MPDZ: variants seen among roughly 807,000 people sequenced by gnomAD.
MPDZ encodes the protein multiple PDZ domain protein.
MPDZ carries 234 observed loss-of-function variants against 239.1 expected under a neutral mutation model. The ratio of observed to expected loss-of-function variants is 0.98; its 90% CI spans 0.88 to 1.09. MPDZ has a LOEUF of 1.09. Among genes scored for constraint, MPDZ ranks in the 50% least tolerant of loss-of-function variants. The probability of loss-of-function intolerance (pLI) is 0.00; values close to 1 mark genes in which losing one functional copy is unlikely to be tolerated. For missense variants in MPDZ, 3,175 were observed against 2,510.0 expected (o/e 1.26, Z -5.66); for synonymous variants, 1,048 against 881.3 (o/e 1.19, Z -3.35).
In MPDZ at chr9:13,138,106, T is replaced by G; in HGVS notation, c.4051A>C (p.Ile1351Leu). 6.2e-7 allele frequency: 1 copy of G among 1,609,746 alleles called. No homozygotes were observed. The highest frequency in any genetic ancestry group is 1.7e-4 in the Middle Eastern group (1 of 6,030). ...YGTLTGELHM[I>L]ELEKGHSGLG... is the part of the protein sequence containing the mutation. Reference sequence around the variant, plus strand: ...CCACTATGACCTTTCTCCAGTTCAATCATATGCAGCTCGCCTGTTAGGGTT... The same window carrying G: ...CCACTATGACCTTTCTCCAGTTCAAGCATATGCAGCTCGCCTGTTAGGGTT... The change falls in exon 29 of 47, where the codon ATT becomes CTT. Residue 1351 changes from isoleucine to leucine, a missense_variant. Ile to Leu is a conservative substitution (Grantham distance 5). Transcript: ENST00000319217.
At chr9:13,118,328 T>G (rs1586924079) in intron 39 of MPDZ, among the ~76,000 whole-genome samples, 3 of 152,238 alleles carry the variant, frequency 2.0e-5, no homozygotes, top group African/African-American at 7.2e-5. Context: ...TTGAGAAACC[T>G]AATGAGAAGT....
chr9:13,216,891 A>G (rs761011674), intron 9 of MPDZ, 29 bp from the exon 10 acceptor site: 1 of 1,545,394 alleles, frequency 6.5e-7, no homozygotes, highest in East Asian at 2.3e-5. Context: ...TATTTTTCAC[A>G]ATTTTCAAAG....
intron 16 of MPDZ, among the ~76,000 whole-genome samples, chr9:13,189,271 TA>T (rs1954572528): frequency 6.6e-6 from 1 of 152,160 alleles, no homozygotes; most frequent in Non-Finnish European, 1.5e-5. Context: ...ATTATAATTT[TA>T]ACTTTGATAA....
intron 33 of MPDZ, 27 bp from the exon 34 acceptor site, chr9:13,126,617 G>C: frequency 6.2e-7 from 1 of 1,611,114 alleles, no homozygotes; most frequent in South Asian, 1.1e-5. Context: ...AAGAATTTGA[G>C]TGATATTCCA....
Position 13,133,882 on chromosome 9 carries a change from G to T in MPDZ, c.4406C>A (p.Ser1469Tyr). 1 of 1,593,402 alleles carries T rather than the reference G, an allele frequency of 6.3e-7. No homozygotes were observed. ...TGAACTGAGGTCCACAGCTGCATCA[G>T]AAGTAGTAACAGTTGGCTCTGTCTG... The part of the protein sequence containing the change: ...NKETEPTVTT[S>Y]DAAVDLSSFK... Residue 1469 changes from serine to tyrosine, a missense_variant, in exon 32 of 47, where the codon TCT (serine) becomes TAT (tyrosine). Ser to Tyr is a moderately radical substitution (Grantham distance 144, BLOSUM62 -2). Transcript: ENST00000319217.
chr9:13,171,662 A>G (rs988402418), intron 21 of MPDZ, among the ~76,000 whole-genome samples: 2 of 152,174 alleles, frequency 1.3e-5, no homozygotes, highest in Non-Finnish European at 2.9e-5. Flanking sequence ...TATATTTATT[A>G]ATGTATCTGT....
chr9:13,180,982 T>A (rs930734157), intron 19 of MPDZ, among the ~76,000 whole-genome samples: 4 of 152,190 alleles, frequency 2.6e-5, no homozygotes, highest in African/African-American at 9.6e-5. Flanking sequence ...GAGGCCTCCC[T>A]CTATGAAGAG....
intron 18 of MPDZ, among the ~76,000 whole-genome samples, chr9:13,184,496 C>T (rs1439982919): frequency 3.3e-5 from 5 of 151,676 alleles, no homozygotes; most frequent in African/African-American, 1.2e-4. Flanking sequence ...CACATTCTTA[C>T]AAAAAACTAT....
intron 46 of MPDZ, among the ~76,000 whole-genome samples, chr9:13,107,436 T>C (rs1017789571): frequency 6.6e-6 from 1 of 152,202 alleles, no homozygotes; most frequent in Non-Finnish European, 1.5e-5. Flanking sequence ...CTAGTAGGAA[T>C]GATTCAATAG....
intron 32 of MPDZ, among the ~76,000 whole-genome samples, chr9:13,130,990 G>C (rs531955413): frequency 4.1e-4 from 63 of 152,216 alleles, no homozygotes; most frequent in African/African-American, 1.5e-3. Context: ...GTTCAAAGTG[G>C]AGAAAATAAT....
chr9:13,196,538 G>T (rs1955670775), intron 12 of MPDZ, among the ~76,000 whole-genome samples: 1 of 151,984 alleles, frequency 6.6e-6, no homozygotes, highest in South Asian at 2.1e-4. Flanking sequence ...TCACTTCATA[G>T]TCCTCTGGTA....
intron 1 of MPDZ, chr9:13,276,909 T>C (rs958169630): frequency 6.6e-6 from 1 of 152,200 alleles, no homozygotes; most frequent in Non-Finnish European, 1.5e-5. Flanking sequence ...TTCTAGACAA[T>C]GGATTCACTT....
chr9:13,265,222 T>C (rs1971528647), intron 1 of MPDZ, among the ~76,000 whole-genome samples: 1 of 152,226 alleles, frequency 6.6e-6, no homozygotes, highest in Admixed American at 6.5e-5. Flanking sequence ...TCTTACCTCC[T>C]GCTCTTTTGC....
intron 3 of MPDZ, among the ~76,000 whole-genome samples, chr9:13,245,554 G>T (rs1419842221): frequency 6.6e-6 from 1 of 152,034 alleles, no homozygotes; most frequent in Non-Finnish European, 1.5e-5. Context: ...GTTTTCCTTG[G>T]TCCCTTTCAG....
At chr9:13,247,269 T>A (rs1966777645) in intron 3 of MPDZ, among the ~76,000 whole-genome samples, 1 of 152,318 alleles carries the variant, frequency 6.6e-6, no homozygotes, top group East Asian at 1.9e-4. Context: ...GTAAGTATAC[T>A]GAATGTCCGA....
chr9:13,267,447 A>G (rs1038891829), intron 1 of MPDZ, among the ~76,000 whole-genome samples: 1 of 152,202 alleles, frequency 6.6e-6, no homozygotes, highest in Admixed American at 6.5e-5. Flanking sequence ...TTTAAGTAAT[A>G]GAGCTGTCTT....
intron 3 of MPDZ, among the ~76,000 whole-genome samples, chr9:13,245,817 A>G (rs1174505425): frequency 6.6e-6 from 1 of 152,184 alleles, no homozygotes; most frequent in African/African-American, 2.4e-5. Context: ...TGGAAATGGT[A>G]AAACAAGCTT....
intron 46 of MPDZ, 141 bp from the exon 47 acceptor site, chr9:13,107,252 C>A: frequency 1.2e-6 from 1 of 853,182 alleles, no homozygotes; most frequent in Non-Finnish European, 1.7e-6. Context: ...TGCTCTAAGC[C>A]ATTAAGCAAT....
rs182355872 is a variant in MPDZ at position 13,194,691 on chromosome 9, A to C, written c.1657-1378T>G. Among the ~76,000 whole-genome samples the C allele has an allele frequency of 2.0e-5, 3 of 152,194 alleles. No individual in the cohort carries two copies. In the East Asian group the frequency reaches 5.8e-4, roughly 30 times the overall value. ...ACAAACCTGCACATTCTGCACATGT[A>C]TCCTAGAACTTAAAAGTAAAATTTA... On this transcript the variant is annotated intron_variant, in intron 13 of 46. Coordinates refer to ENST00000319217, the MANE Select transcript of MPDZ (RefSeq NM_001378778.1).
Sources: allele counts gnomAD v4.1 joint callset (sites outside exome capture counted in the v4.1 genomes callset), GRCh38; gene constraint gnomAD v4.1.1; transcripts MANE v1.5; gene names NCBI Gene and HGNC (gene_info 2026-07-23, HGNC 2026-07-21).